CALCR: variants seen among roughly 807,000 people sequenced by gnomAD.
CALCR encodes the protein calcitonin receptor.
Under a neutral mutation model 59.5 loss-of-function variants are expected in CALCR, and 47 were observed. The ratio of observed to expected loss-of-function variants is 0.79; its 90% CI spans 0.63 to 1.01. The LOEUF (loss-of-function observed/expected upper bound fraction) is 1.01, where lower values mean the gene tolerates loss of function less well. Among genes scored for constraint, CALCR ranks in the 50% least tolerant of loss-of-function variants. The pLI is 0.00. For missense variants in CALCR, 566 were observed against 597.1 expected, an observed-to-expected ratio of 0.95 and a Z score of 0.54; for synonymous variants, 213 against 211.3, an observed-to-expected ratio of 1.01 and a Z score of -0.07.
In CALCR at chr7:93,554,151, A is replaced by AT. The variant is rs560782648; in HGVS notation, c.-27+20137dup. Among the ~76,000 whole-genome samples the AT allele has an allele frequency of 2.6e-5, 4 of 152,314 alleles. 1 individual carries two copies. The South Asian group carries it at 8.3e-4, about 32-fold the overall frequency. Reference sequence around the variant, plus strand: ...TGACATTTTCACGTGGATTTGTCAAATTACCACAAGACTGCTTTTATCTGT... The same window carrying AT: ...TGACATTTTCACGTGGATTTGTCAAATTTACCACAAGACTGCTTTTATCTGT... On this transcript the variant is annotated intron_variant, in intron 2 of 13. Coordinates refer to ENST00000426151, the MANE Select transcript of CALCR (RefSeq NM_001742.4).
intron 8 of CALCR, among the ~76,000 whole-genome samples, chr7:93,453,950 G>A (rs1800158506): frequency 6.6e-6 from 1 of 152,042 alleles, no homozygotes; most frequent in Non-Finnish European, 1.5e-5. Context: ...ACCAGGGTAG[G>A]ATACTTCATT....
intron 13 of CALCR, among the ~76,000 whole-genome samples, chr7:93,428,571 C>A (rs1234376350): frequency 6.6e-6 from 1 of 152,072 alleles, no homozygotes; most frequent in South Asian, 2.1e-4. Flanking sequence ...GAGGCCGAGG[C>A]GGGCAGATCA....
chr7:93,433,208 AG>A (rs1203578306), intron 13 of CALCR, among the ~76,000 whole-genome samples: 1 of 152,234 alleles, frequency 6.6e-6, no homozygotes, highest in Admixed American at 6.5e-5. Context: ...CTTAGTAAAA[AG>A]ATAGAGAATA....
intron 2 of CALCR, among the ~76,000 whole-genome samples, chr7:93,541,809 C>T (rs953598515): frequency 3.3e-5 from 5 of 152,180 alleles, no homozygotes; most frequent in Non-Finnish European, 5.9e-5. Context: ...TGGCTATCCA[C>T]GGTAAACTGG....
intron 8 of CALCR, among the ~76,000 whole-genome samples, chr7:93,444,014 A>G (rs1463377659): frequency 1.3e-5 from 2 of 152,160 alleles, no homozygotes; most frequent in South Asian, 4.1e-4. Context: ...CATTCTGCGG[A>G]CTTACACAGA....
chr7:93,473,715 A>G (rs1005351995), intron 5 of CALCR, among the ~76,000 whole-genome samples: 1 of 151,140 alleles, frequency 6.6e-6, no homozygotes, highest in African/African-American at 2.4e-5. Flanking sequence ...TTCAGCTTAC[A>G]CTAAAATATT....
At chr7:93,437,393 T>C (rs1799802901) in intron 11 of CALCR, among the ~76,000 whole-genome samples, 1 of 152,208 alleles carries the variant, frequency 6.6e-6, no homozygotes, top group Non-Finnish European at 1.5e-5. Flanking sequence ...TAAGTTTTAA[T>C]GACCTAGAGT....
chr7:93,461,040 T>A, intron 7 of CALCR, 93 bp from the exon 8 acceptor site: 2 of 1,078,108 alleles, frequency 1.9e-6, no homozygotes, highest in Non-Finnish European at 2.7e-6. Flanking sequence ...ATATTTTCTT[T>A]AAAAAAAAGA....
intron 2 of CALCR, among the ~76,000 whole-genome samples, chr7:93,516,265 G>A (rs1050432367): frequency 6.6e-6 from 1 of 151,900 alleles, no homozygotes; most frequent in Admixed American, 6.6e-5. Flanking sequence ...TGGCACAGTT[G>A]GATGAACCAG....
chr7:93,542,791 A>G (rs1362817463), intron 2 of CALCR, among the ~76,000 whole-genome samples: 1 of 152,110 alleles, frequency 6.6e-6, no homozygotes, highest in East Asian at 1.9e-4. Context: ...CATTAGCCTA[A>G]GCCCACAGGG....
Position 93,565,785 on chromosome 7 carries a change from A to C in CALCR, c.-27+8504T>G, listed in dbSNP as rs1470559634. On this transcript the variant is annotated intron_variant, in intron 2 of 13. Transcript: ENST00000426151. ...GTACCCTGTGCCATGAACTTCTGTGAATCTTGGGCGAAAGAAATTCCATTC... is the reference window on the plus strand; with the variant it reads ...GTACCCTGTGCCATGAACTTCTGTGCATCTTGGGCGAAAGAAATTCCATTC... 2.0e-5 allele frequency among the ~76,000 whole-genome samples: 3 copies of C among 152,222 alleles called. No homozygotes were observed. The East Asian group carries it at 5.8e-4, about 29-fold the overall frequency.
chr7:93,562,191 T>C (rs1584633895), intron 2 of CALCR, among the ~76,000 whole-genome samples: 1 of 151,992 alleles, frequency 6.6e-6, no homozygotes, highest in Non-Finnish European at 1.5e-5. Flanking sequence ...TTTATTTAGC[T>C]TCTTTGATTT....
At chr7:93,459,472 G>A in intron 8 of CALCR, among the ~76,000 whole-genome samples, 1 of 152,156 alleles carries the variant, frequency 6.6e-6, no homozygotes, top group South Asian at 2.1e-4. Flanking sequence ...TGTAATACCA[G>A]GGACTGATAT....
chr7:93,525,570 G>A (rs942445752), intron 2 of CALCR, among the ~76,000 whole-genome samples: 1 of 152,166 alleles, frequency 6.6e-6, no homozygotes, highest in Admixed American at 6.5e-5. Context: ...TTTGTCAGAG[G>A]ACAATGTATT....
chr7:93,569,681 C>T (rs1789955773), intron 2 of CALCR, among the ~76,000 whole-genome samples: 1 of 151,968 alleles, frequency 6.6e-6, no homozygotes, highest in Non-Finnish European at 1.5e-5. Context: ...TCACAATATC[C>T]CCTGACTAGG....
At chr7:93,505,995 T>C (rs2116022586) in intron 2 of CALCR, among the ~76,000 whole-genome samples, 1 of 152,284 alleles carries the variant, frequency 6.6e-6, no homozygotes, top group Middle Eastern at 3.4e-3. Context: ...GTAAATCAGA[T>C]ATTGCTTTGT....
At chr7:93,460,521 A>G (rs1800294345) in intron 8 of CALCR, among the ~76,000 whole-genome samples, 2 of 141,624 alleles carry the variant, frequency 1.4e-5, no homozygotes, top group South Asian at 4.5e-4. Flanking sequence ...CCACCACTGC[A>G]CTCCAGCCTG....
rs1353184094 is a variant in CALCR, at chr7:93,443,846, A to G, written c.649-89T>C. On this transcript the variant is annotated intron_variant, in intron 8 of 13. Coordinates refer to ENST00000426151, the MANE Select transcript of CALCR (RefSeq NM_001742.4). ...AGCAAATGTGAAAACAAGCCAAAGTATCTGCATTCAGCTTGCAAGGCAGTT... is the reference window on the plus strand; with the variant it reads ...AGCAAATGTGAAAACAAGCCAAAGTGTCTGCATTCAGCTTGCAAGGCAGTT... 17 of 1,099,734 alleles carry G rather than the reference A, an allele frequency of 1.5e-5. No homozygotes were observed. The East Asian group carries it at 3.8e-4, about 25-fold the overall frequency. 68.1% of individuals were successfully genotyped at this position (1,099,734 alleles called of 1,614,324 possible). A position where few individuals can be genotyped will look rare whatever the true frequency, so the allele number is the denominator to read the frequency against.
Position 93,430,566 on chromosome 7 carries a change from T to A in CALCR, c.1191+3687A>T, listed in dbSNP as rs561321792. On this transcript the variant is annotated intron_variant, in intron 13 of 13. Transcript: ENST00000426151. The stretch of plus-strand genomic sequence containing the variant: ...ATAAAGTTAAACTTTTTGAAAACAT[T>A]CAGCCATTGTATTTCTTAATTTTCT... Among the ~76,000 whole-genome samples the A allele has an allele frequency of 3.1e-3, 478 of 152,310 alleles. 2 individuals carry two copies. The highest frequency in any genetic ancestry group is 0.02 in the Middle Eastern group (6 of 294).
Sources: allele counts gnomAD v4.1 joint callset (sites outside exome capture counted in the v4.1 genomes callset), GRCh38; gene constraint gnomAD v4.1.1; transcripts MANE v1.5; gene names NCBI Gene and HGNC (gene_info 2026-07-23, HGNC 2026-07-21).